The following ZNF347 variants were observed in gnomAD, a reference collection of about 807,000 sequenced individuals.
ZNF347 encodes the protein CTD-2620I22.7.
ZNF347 carries 19 observed loss-of-function variants against 12.9 expected under a neutral mutation model. That is an observed-to-expected ratio of 1.47 (90% confidence interval 1.03 to 2.16). ZNF347 has a LOEUF of 2.16. ZNF347 is among the 30% of genes most tolerant of loss of function. The pLI, the probability that ZNF347 is intolerant of heterozygous loss-of-function variation, is 0.00. For missense variants in ZNF347, 1,005 were observed against 990.6 expected, an observed-to-expected ratio of 1.01 and a Z score of -0.19; for synonymous variants, 328 against 340.6, an observed-to-expected ratio of 0.96 and a Z score of 0.41.
chr19:53,143,492 C>T (rs1391252072), intron 4 of ZNF347, among the ~76,000 whole-genome samples: 2 of 150,488 alleles, frequency 1.3e-5, no homozygotes, highest in Admixed American at 1.3e-4. Context: ...GTTTTTTGTC[C>T]TTGCGATAGT....
intron 4 of ZNF347, among the ~76,000 whole-genome samples, chr19:53,147,873 T>C (rs2090473341): frequency 6.6e-6 from 1 of 152,212 alleles, no homozygotes. Flanking sequence ...ACAAATCAAT[T>C]AATGTGATTC....
Position 53,135,683 on chromosome 19 carries a change from A to C in ZNF347, c.*4625T>G, listed in dbSNP as rs1449723681. The C allele has an allele frequency of 2.0e-5, 3 of 152,070 alleles. No individual in the cohort carries two copies. Among genetic ancestry groups the C allele is most frequent in the Non-Finnish European group, 4.4e-5 (3 of 68,020 alleles). 9.4% of individuals were successfully genotyped at this position (152,070 alleles called of 1,614,324 possible). A position where few individuals can be genotyped will look rare whatever the true frequency, so the allele number is the denominator to read the frequency against. ...CCACTGTGCCCAGCCTAATTTGATT[A>C]TTTTGCTTATCTGTCCTAAGTTTCC... On this transcript the variant is annotated 3_prime_UTR_variant, in exon 5 of 5. Coordinates refer to ENST00000334197, the MANE Select transcript of ZNF347 (RefSeq NM_032584.3).
chr19:53,147,351 G>A (rs551190561), intron 4 of ZNF347, among the ~76,000 whole-genome samples: 2 of 152,052 alleles, frequency 1.3e-5, no homozygotes, highest in African/African-American at 2.4e-5. Context: ...TTCCAGCCTG[G>A]ACAAGAGAAC....
chr19:53,142,214 T>C lies in ZNF347; in HGVS notation c.614A>G (p.Tyr205Cys). ...AGACTTCTCAACCTGATTACATTCA[T>C]AAATTTTCCCTTCATATTGAAAAAG... Reference protein sequence around the residue: ...LQLFQYEGKIYECNQVEKSFN... With the variant: ...LQLFQYEGKICECNQVEKSFN... Residue 205 changes from tyrosine to cysteine, a missense_variant, in exon 5 of 5, where the codon TAT (tyrosine) becomes TGT (cysteine). By Grantham distance (194) the Tyr-to-Cys change is radical (BLOSUM62 -2). Transcript: ENST00000334197. The C allele has an allele frequency of 1.9e-6, 3 of 1,613,600 alleles. No homozygotes were observed. The highest frequency in any genetic ancestry group is 1.3e-5 in the African/African-American group (1 of 75,018).
Position 53,141,323 on chromosome 19 carries a change from G to A in ZNF347, c.1505C>T (p.Thr502Ile). Residue 502 changes from threonine to isoleucine, a missense_variant, in exon 5 of 5, where the codon ACC becomes ATC. Thr to Ile is a moderately conservative substitution (Grantham distance 89). Transcript: ENST00000334197. ...KAFRAHSNLTTHQVIHTGEKP... is the reference protein window; with the variant it reads ...KAFRAHSNLTIHQVIHTGEKP... ...TTCTCCAGTATGGATGACCTGATGG[G>A]TAGTTAGGTTTGAATGTGCTCTAAA... 1 of 1,611,234 alleles carries A rather than the reference G, an allele frequency of 6.2e-7. No individual in the cohort carries two copies. The highest frequency in any genetic ancestry group is 8.5e-7 in the Non-Finnish European group (1 of 1,179,342).
At chr19:53,148,944 T>A in intron 3 of ZNF347, 135 bp from the exon 4 acceptor site, 1 of 1,268,112 alleles carries the variant, frequency 7.9e-7, no homozygotes. Flanking sequence ...AATGCTTCTT[T>A]ATAAATTGTT....
intron 1 of ZNF347, among the ~76,000 whole-genome samples, chr19:53,154,395 T>G (rs1340005473): frequency 6.6e-6 from 1 of 151,970 alleles, no homozygotes; most frequent in Non-Finnish European, 1.5e-5. Context: ...GAGGCCTAGA[T>G]GCTGGATCTA....
At position 53,148,782 on chromosome 19, in the gene ZNF347, A is replaced by G. The variant is rs769641869; in HGVS notation, c.170T>C (p.Ile57Thr). 1.9e-6 allele frequency: 3 copies of G among 1,613,970 alleles called. No homozygotes were observed. The highest frequency in any genetic ancestry group is 2.5e-6 in the Non-Finnish European group (3 of 1,179,944). Residue 57 changes from isoleucine to threonine, a missense_variant, in exon 4 of 5, where the codon ATC (isoleucine) becomes ACC (threonine). Coordinates refer to ENST00000334197, the MANE Select transcript of ZNF347 (RefSeq NM_032584.3). ...CTCCTTCCCTTGCTCCAACATAGAGATAATACTGAGGTCAAAACAAGAGAT... is the reference window on the plus strand; with the variant it reads ...CTCCTTCCCTTGCTCCAACATAGAGGTAATACTGAGGTCAAAACAAGAGAT... ...LGISCFDLSI[I>T]SMLEQGKEPF... is the part of the protein sequence containing the mutation.
rs780320893 is a variant in ZNF347 at position 53,141,741 on chromosome 19, G to T, written c.1087C>A (p.His363Asn). ...TTCTCTCCAGTATGAATTCCTCGAT[G>T]TCTTACAAGGTGTGAATTCTGAGTG... Reference protein sequence around the residue: ...VFTQNSHLVRHRGIHTGEKPY... With the variant: ...VFTQNSHLVRNRGIHTGEKPY... Residue 363 changes from histidine (H) to asparagine (N), a missense_variant, in exon 5 of 5, where the codon CAT becomes AAT. By Grantham distance (68) the His-to-Asn change is moderately conservative (BLOSUM62 1). Transcript: ENST00000334197. 1.2e-6 allele frequency: 2 copies of T among 1,613,750 alleles called. No homozygotes were observed.
intron 1 of ZNF347, among the ~76,000 whole-genome samples, chr19:53,157,006 G>GAA (rs2090540189): frequency 6.6e-6 from 1 of 152,110 alleles, no homozygotes; most frequent in Admixed American, 6.5e-5. Context: ...TGACAGGAAA[G>GAA]AAAATCAAAG....
chr19:53,145,931 TA>T (rs199953654), intron 4 of ZNF347, among the ~76,000 whole-genome samples: 6 of 149,008 alleles, frequency 4.0e-5, no homozygotes, highest in Non-Finnish European at 6.0e-5. Context: ...AAATAAAGAC[TA>T]AAAAAAAATC....
intron 4 of ZNF347, among the ~76,000 whole-genome samples, chr19:53,146,206 C>G (rs1044093034): frequency 6.6e-6 from 1 of 152,070 alleles, no homozygotes; most frequent in African/African-American, 2.4e-5. Flanking sequence ...AATTCCCAAC[C>G]TCAGGTGGTC....
intron 2 of ZNF347, among the ~76,000 whole-genome samples, chr19:53,149,946 G>A (rs1166509533): frequency 6.6e-6 from 1 of 152,036 alleles, no homozygotes; most frequent in Non-Finnish European, 1.5e-5. Flanking sequence ...CCAATAGACT[G>A]CTTACATCTG....
chr19:53,147,243 C>T (rs1424005138), intron 4 of ZNF347, among the ~76,000 whole-genome samples: 1 of 152,064 alleles, frequency 6.6e-6, no homozygotes, highest in African/African-American at 2.4e-5. Flanking sequence ...AGTGTGGTGG[C>T]ACACGCCTGT....
In ZNF347 at chr19:53,151,502, C is replaced by T. The variant is rs532152651; in HGVS notation, c.16-2135G>A. On this transcript the variant is annotated intron_variant, in intron 2 of 4. Coordinates refer to ENST00000334197, the MANE Select transcript of ZNF347 (RefSeq NM_032584.3). ...GCAGTGAACCGAGACTGTGCCACTG[C>T]ACTCCAGCCTGGATGACAGAGCAAG... 9.3e-5 allele frequency among the ~76,000 whole-genome samples: 13 copies of T among 139,656 alleles called. No individual in the cohort carries two copies. The East Asian group carries it at 1.5e-3, about 16-fold the overall frequency. 91.6% of individuals were successfully genotyped at this position (139,656 alleles called of 152,430 possible).
At position 53,151,406 on chromosome 19, in the gene ZNF347, C is replaced by T. The variant is rs561158696; in HGVS notation, c.16-2039G>A. Among the ~76,000 whole-genome samples the T allele has an allele frequency of 1.4e-3, 220 of 151,876 alleles. 1 individual carries two copies. The highest frequency in any genetic ancestry group is 5.1e-3 in the African/African-American group (213 of 41,442). On this transcript the variant is annotated intron_variant, in intron 2 of 4. Coordinates refer to ENST00000334197, the MANE Select transcript of ZNF347 (RefSeq NM_032584.3). ...CAAAAAAATTAGCCAGGCATGGTGGCGGGCACCTGTAGTCTCAGCTACTCA... is the reference window on the plus strand; with the variant it reads ...CAAAAAAATTAGCCAGGCATGGTGGTGGGCACCTGTAGTCTCAGCTACTCA...
In ZNF347 at chr19:53,135,321, T is replaced by TAG; in HGVS notation, c.*4986_*4987insCT. On this transcript the variant is annotated 3_prime_UTR_variant, in exon 5 of 5. Coordinates refer to ENST00000334197, the MANE Select transcript of ZNF347 (RefSeq NM_032584.3). ...CTAAATATATATATATATATATATA[T>TAG]ATATATATATATATATATAGAGAGA... The TAG allele has an allele frequency of 1.6e-5, 1 of 62,086 alleles. No individual in the cohort carries two copies. Among genetic ancestry groups the TAG allele is most frequent in the African/African-American group, 5.0e-5 (1 of 19,998 alleles). 3.8% of individuals were successfully genotyped at this position (62,086 alleles called of 1,614,324 possible).
rs1568632525 is a variant in ZNF347, at chr19:53,135,327, T to TAG, written c.*4980_*4981insCT. ...ATATATATATATATATATATATATA[T>TAG]ATATATATATATAGAGAGAGAGAGA... On this transcript the variant is annotated 3_prime_UTR_variant, in exon 5 of 5. Transcript: ENST00000334197. 1.4e-4 allele frequency: 6 copies of TAG among 42,632 alleles called. No individual in the cohort carries two copies. The highest frequency in any genetic ancestry group is 7.3e-4 in the East Asian group (1 of 1,366). The allele number at this position is 42,632 out of a possible 1,614,324, so 2.6% of individuals were successfully genotyped here. A position where few individuals can be genotyped will look rare whatever the true frequency, so the allele number is the denominator to read the frequency against.
At position 53,141,085 on chromosome 19, in the gene ZNF347, A is replaced by T. The variant is rs750397785; in HGVS notation, c.1743T>A (p.Asn581Lys). The change falls in exon 5 of 5, where the codon AAT becomes AAA. Residue 581 changes from asparagine to lysine, a missense_variant. Coordinates refer to ENST00000334197, the MANE Select transcript of ZNF347 (RefSeq NM_032584.3). ...TTCCCCGATGTCTTGCAAGGTGTGAATTCTGAGTGAAGACCTTGCCACACT... is the reference window on the plus strand; with the variant it reads ...TTCCCCGATGTCTTGCAAGGTGTGATTTCTGAGTGAAGACCTTGCCACACT... Reference protein sequence around the residue: ...CNECGKVFTQNSHLARHRGIH... With the variant: ...CNECGKVFTQKSHLARHRGIH... 6.2e-7 allele frequency: 1 copy of T among 1,613,864 alleles called. No individual in the cohort carries two copies. Among genetic ancestry groups the T allele is most frequent in the African/African-American group, 1.3e-5 (1 of 74,946 alleles).
Sources: gnomAD v4.1 joint callset for allele counts (sites outside exome capture counted in the v4.1 genomes callset) on GRCh38, gnomAD v4.1.1 for gene constraint, MANE v1.5 for transcripts, NCBI Gene and HGNC (gene_info 2026-07-23, HGNC 2026-07-21) for gene names.